The following CIT variants were observed in gnomAD, a reference collection of about 807,000 sequenced individuals.
CIT encodes citron rho-interacting serine/threonine kinase, also known as citron Rho-interacting kinase.
CIT carries 79 observed loss-of-function variants against 272.7 expected under a neutral mutation model. The observed-to-expected ratio is 0.29, with a 90% CI of 0.24 to 0.35. The LOEUF is 0.35. Among genes scored for constraint, CIT ranks in the 10% least tolerant of loss-of-function variants. CIT has a pLI of 1.00. For missense variants in CIT, 1,909 were observed against 2,618.3 expected, an observed-to-expected ratio of 0.73 and a Z score of 5.91; for synonymous variants, 948 against 995.6, an observed-to-expected ratio of 0.95 and a Z score of 0.90.
intron 16 of CIT, 45 bp downstream of exon 16, chr12:119,775,741 G>A: frequency 1.4e-6 from 2 of 1,437,528 alleles, no homozygotes; most frequent in Non-Finnish European, 2.0e-6. Flanking sequence ...TGTTTGGAAA[G>A]GAGGTGGTGG....
intron 19 of CIT, among the ~76,000 whole-genome samples, chr12:119,764,656 A>G (rs985709966): frequency 6.6e-6 from 1 of 151,942 alleles, no homozygotes; most frequent in Non-Finnish European, 1.5e-5. Context: ...TCAATGGAAC[A>G]GCAGATTAGA....
intron 4 of CIT, among the ~76,000 whole-genome samples, chr12:119,854,978 A>C (rs1247179433): frequency 6.6e-6 from 1 of 151,934 alleles, no homozygotes; most frequent in Non-Finnish European, 1.5e-5. Flanking sequence ...AATAAAGTTA[A>C]CTGGGTGTGG....
chr12:119,811,596 T>A (rs1204621087), intron 9 of CIT, among the ~76,000 whole-genome samples: 1 of 152,232 alleles, frequency 6.6e-6, no homozygotes, highest in Non-Finnish European at 1.5e-5. Flanking sequence ...TCAATGGAGA[T>A]GTGAGCTCTA....
At chr12:119,711,410 G>A (rs1320531911) in intron 37 of CIT, among the ~76,000 whole-genome samples, 1 of 152,150 alleles carries the variant, frequency 6.6e-6, no homozygotes, top group Non-Finnish European at 1.5e-5. Context: ...ACCTGCCTAC[G>A]GAAGAGCAAA....
intron 5 of CIT, among the ~76,000 whole-genome samples, chr12:119,844,097 C>G (rs1969615649): frequency 6.7e-6 from 1 of 150,290 alleles, no homozygotes; most frequent in East Asian, 2.0e-4. Flanking sequence ...CCTTGGCTCA[C>G]TGCAACCTCC....
chr12:119,795,979 A>G (rs1177248565), intron 10 of CIT, among the ~76,000 whole-genome samples: 2 of 152,276 alleles, frequency 1.3e-5, no homozygotes, highest in Non-Finnish European at 2.9e-5. Context: ...ATTCAATTCA[A>G]CAAATGTTCA....
In CIT at chr12:119,776,724, G is replaced by A. The variant is rs767467551; in HGVS notation, c.1784C>T (p.Ala595Val). ...YESELRESRL[A>V]AEEFKRKATE... is the part of the protein sequence containing the mutation. ...CGCTTTCCGCTTGAATTCTTCAGCA[G>A]CAAGCCGAGACTCTCTCAGCTCAGA... Residue 595 changes from alanine to valine, a missense_variant, in exon 14 of 48, where the codon GCT (alanine) becomes GTT (valine). Ala to Val is a moderately conservative substitution (Grantham distance 64, BLOSUM62 0). Coordinates refer to ENST00000392521, the MANE Select transcript of CIT (RefSeq NM_001206999.2). 6.2e-7 allele frequency: 1 copy of A among 1,613,948 alleles called. No homozygotes were observed. Among genetic ancestry groups the A allele is most frequent in the South Asian group, 1.1e-5 (1 of 91,072 alleles).
intron 37 of CIT, among the ~76,000 whole-genome samples, chr12:119,711,354 C>A (rs1332259044): frequency 1.3e-5 from 2 of 152,182 alleles, no homozygotes; most frequent in Non-Finnish European, 2.9e-5. Flanking sequence ...ATGCCAATCA[C>A]AGCACACCTA....
intron 9 of CIT, among the ~76,000 whole-genome samples, chr12:119,813,607 G>C (rs1357214905): frequency 3.9e-5 from 6 of 152,216 alleles, no homozygotes; most frequent in Non-Finnish European, 8.8e-5. Context: ...TTTCCCGCAA[G>C]TGAGAATTTA....
At chr12:119,798,568 T>A in intron 10 of CIT, among the ~76,000 whole-genome samples, 1 of 152,226 alleles carries the variant, frequency 6.6e-6, no homozygotes, top group East Asian at 1.9e-4. Context: ...GTTAGCACCC[T>A]GCCCACCTGA....
intron 7 of CIT, among the ~76,000 whole-genome samples, chr12:119,829,011 G>C (rs1968391688): frequency 1.3e-5 from 2 of 151,834 alleles, no homozygotes; most frequent in Admixed American, 6.6e-5. Flanking sequence ...GGAAGGAAAG[G>C]GGGGAAGAAC....
chr12:119,784,828 C>T lies in CIT; in HGVS notation c.1401+132G>A, dbSNP rs890641305. ...TGAGCTGCTGGAGGCGCGACTTCAG[C>T]GAAGGCAGGAGCGCCTCACTCTCTA... On this transcript the variant is annotated intron_variant, in intron 11 of 47. Coordinates refer to ENST00000392521, the MANE Select transcript of CIT (RefSeq NM_001206999.2). The surrounding 1 kb of genome is among the most constrained non-coding windows in gnomAD (Gnocchi z 4.7). The T allele has an allele frequency of 2.5e-5, 36 of 1,449,400 alleles. No homozygotes were observed. The highest frequency in any genetic ancestry group is 5.0e-5 in the East Asian group (2 of 39,882). 89.8% of individuals were successfully genotyped at this position (1,449,400 alleles called of 1,614,324 possible).
At chr12:119,744,298 G>A (rs984335865) in intron 23 of CIT, among the ~76,000 whole-genome samples, 6 of 151,948 alleles carry the variant, frequency 3.9e-5, no homozygotes, top group Admixed American at 6.6e-5. Flanking sequence ...CTTTTCACTT[G>A]ATAGACAAAG....
chr12:119,720,367 T>G, intron 30 of CIT, 111 bp downstream of exon 30: 1 of 728,486 alleles, frequency 1.4e-6, no homozygotes. Context: ...ACAAAAAAAG[T>G]ATACTTTGTT....
chr12:119,838,072 G>T (rs973755736), intron 5 of CIT, among the ~76,000 whole-genome samples: 1 of 151,928 alleles, frequency 6.6e-6, no homozygotes, highest in Non-Finnish European at 1.5e-5. Flanking sequence ...AAAGAGTTTT[G>T]TTTTTTTGGG....
At chr12:119,780,863 G>A (rs2137676592) in intron 13 of CIT, among the ~76,000 whole-genome samples, 1 of 152,270 alleles carries the variant, frequency 6.6e-6, no homozygotes. Flanking sequence ...GGAACTTTTA[G>A]CAGTCATTAA....
chr12:119,857,973 A>G (rs1215488481), intron 3 of CIT, among the ~76,000 whole-genome samples: 1 of 152,204 alleles, frequency 6.6e-6, no homozygotes, highest in East Asian at 1.9e-4. Context: ...GAGAGGATAC[A>G]AATTATGTTT....
chr12:119,798,932 T>A (rs1298420865), intron 10 of CIT, among the ~76,000 whole-genome samples: 1 of 152,260 alleles, frequency 6.6e-6, no homozygotes, highest in Non-Finnish European at 1.5e-5. Context: ...TTTCTCTCAG[T>A]TGTTTCAACA....
chr12:119,729,974 T>C (rs999301394), intron 27 of CIT, among the ~76,000 whole-genome samples: 4 of 152,180 alleles, frequency 2.6e-5, no homozygotes, highest in African/African-American at 9.7e-5. Flanking sequence ...TTTATGACTA[T>C]AAATGTAATA....
Sources: gnomAD v4.1 joint callset for allele counts (sites outside exome capture counted in the v4.1 genomes callset) on GRCh38, gnomAD v4.1.1 for gene constraint, Gnocchi (gnomAD v3.1) non-coding constraint, MANE v1.5 for transcripts, NCBI Gene and HGNC (gene_info 2026-07-23, HGNC 2026-07-21) for gene names.